NTM: variants seen among roughly 807,000 people sequenced by gnomAD.
NTM encodes the protein neurotrimin.
A neutral mutation model predicts 42.1 loss-of-function variants in NTM; 13 were observed. The ratio of observed to expected loss-of-function variants is 0.31; its 90% CI spans 0.20 to 0.49. The LOEUF (loss-of-function observed/expected upper bound fraction) is 0.49. Ranked by LOEUF, NTM falls within the 20% of genes least tolerant of loss-of-function variation. The probability of loss-of-function intolerance (pLI) is 0.99; values close to 1 mark genes in which losing one functional copy is unlikely to be tolerated. For synonymous variants in NTM, 187 were observed against 179.2 expected, an observed-to-expected ratio of 1.04 and a Z score of -0.35; for missense variants, 373 against 452.8, an observed-to-expected ratio of 0.82 and a Z score of 1.60.
intron 1 of NTM, among the ~76,000 whole-genome samples, chr11:131,375,068 C>T (rs547408532): frequency 2.0e-5 from 3 of 152,266 alleles, no homozygotes; most frequent in African/African-American, 4.8e-5. Flanking sequence ...CTTCACACAC[C>T]CAATATGCGT....
intron 1 of NTM, chr11:131,769,781 C>T (rs2085744108): frequency 6.5e-6 from 1 of 154,070 alleles, no homozygotes; most frequent in African/African-American, 2.4e-5. Context: ...TGAGGGAAGG[C>T]TTGAGGAGAA....
chr11:132,122,367 G>A (rs1187381666), intron 2 of NTM, among the ~76,000 whole-genome samples: 4 of 152,196 alleles, frequency 2.6e-5, no homozygotes, highest in African/African-American at 7.2e-5. Flanking sequence ...TTTCCAACTG[G>A]TTTTATTTCA....
At chr11:132,166,040 C>T (rs2075220671) in intron 3 of NTM, among the ~76,000 whole-genome samples, 1 of 152,024 alleles carries the variant, frequency 6.6e-6, no homozygotes, top group Non-Finnish European at 1.5e-5. Context: ...AAATTTTCAC[C>T]TAAAGCTCTT....
chr11:131,569,186 C>G (rs887985588), intron 1 of NTM, among the ~76,000 whole-genome samples: 1 of 151,270 alleles, frequency 6.6e-6, no homozygotes, highest in Admixed American at 6.6e-5. Flanking sequence ...CTCTCGTCAC[C>G]CAGGCTGGTG....
chr11:132,117,773 T>C (rs938073066), intron 2 of NTM, among the ~76,000 whole-genome samples: 14 of 152,364 alleles, frequency 9.2e-5, no homozygotes, highest in Non-Finnish European at 1.3e-4. Context: ...AAAAATACTT[T>C]ACTGCTCTGT....
At chr11:131,406,253 T>C (rs922420545) in intron 1 of NTM, among the ~76,000 whole-genome samples, 5 of 152,194 alleles carry the variant, frequency 3.3e-5, no homozygotes, top group Non-Finnish European at 4.4e-5. Flanking sequence ...GGAAGTGATA[T>C]ATGAATGTAA....
chr11:131,414,351 C>T (rs926480175), intron 1 of NTM, among the ~76,000 whole-genome samples: 1 of 152,186 alleles, frequency 6.6e-6, no homozygotes, highest in Non-Finnish European at 1.5e-5. Context: ...CTGCCTTTGC[C>T]TCTGGCCTGC....
chr11:131,660,875 A>G, intron 1 of NTM: 1 of 1,240,400 alleles, frequency 8.1e-7, no homozygotes. Context: ...CCTTGATTTC[A>G]AAGAACTTGT....
chr11:131,950,172 G>C (rs140096272), intron 2 of NTM, among the ~76,000 whole-genome samples: 80 of 152,266 alleles, frequency 5.3e-4, no homozygotes, highest in Middle Eastern at 3.4e-3. Context: ...TGCCTGGGTT[G>C]CCCTAGAGGC....
chr11:132,008,389 A>G (rs2071304608), intron 2 of NTM, among the ~76,000 whole-genome samples: 1 of 152,146 alleles, frequency 6.6e-6, no homozygotes. Flanking sequence ...TCAAGTGCCT[A>G]ATATAGCTGA....
intron 3 of NTM, among the ~76,000 whole-genome samples, chr11:132,164,160 G>A (rs2074885508): frequency 6.6e-6 from 1 of 152,210 alleles, no homozygotes; most frequent in Non-Finnish European, 1.5e-5. Flanking sequence ...AGTTTGGACT[G>A]AGACACCAAA....
intron 1 of NTM, among the ~76,000 whole-genome samples, chr11:131,645,471 C>A (rs75836773): frequency 6.6e-6 from 1 of 152,098 alleles, no homozygotes; most frequent in Non-Finnish European, 1.5e-5. Context: ...CACCTTCAGA[C>A]CTACATGCTA....
chr11:131,499,336 A>G (rs569831677), intron 1 of NTM, among the ~76,000 whole-genome samples: 1 of 152,292 alleles, frequency 6.6e-6, no homozygotes, highest in South Asian at 2.1e-4. Context: ...ATATAAGTGT[A>G]ATGATGACTC....
intron 2 of NTM, among the ~76,000 whole-genome samples, chr11:132,118,926 G>T (rs2064294754): frequency 6.6e-6 from 1 of 152,140 alleles, no homozygotes; most frequent in African/African-American, 2.4e-5. Context: ...TGTCCTCAAG[G>T]GGGTGAAGGG....
chr11:131,573,697 T>C (rs1223748437), intron 1 of NTM: 1 of 152,176 alleles, frequency 6.6e-6, no homozygotes, highest in African/African-American at 2.4e-5. Context: ...CCAGATGACA[T>C]TTTTCTGCTC....
chr11:132,100,119 C>G (rs111562509), intron 2 of NTM, among the ~76,000 whole-genome samples: 2 of 152,112 alleles, frequency 1.3e-5, no homozygotes, highest in African/African-American at 4.8e-5. Context: ...TATGAGAGAC[C>G]TTTTTACATT....
At chr11:131,948,568 G>A (rs188552529) in intron 2 of NTM, among the ~76,000 whole-genome samples, 8 of 152,242 alleles carry the variant, frequency 5.3e-5, no homozygotes, top group Admixed American at 5.2e-4. Flanking sequence ...AGGAGTGATT[G>A]CTTGTCCTAA....
In NTM at chr11:132,138,119, A is replaced by G. The variant is rs940984651; in HGVS notation, c.168-8163A>G. ...TCTTTCCAACCTTGGCAGCCGCCTC[A>G]ACACTTACCAAGATCCAAATTGCCC... is the stretch of plus-strand genomic sequence containing the variant. On this transcript the variant is annotated intron_variant, in intron 2 of 8. Transcript: ENST00000683400. 3.9e-5 allele frequency among the ~76,000 whole-genome samples: 6 copies of G among 152,242 alleles called. No individual in the cohort carries two copies. In the East Asian group the frequency reaches 1.2e-3, roughly 29 times the overall value.
intron 1 of NTM, among the ~76,000 whole-genome samples, chr11:131,606,341 C>T (rs1183580936): frequency 6.6e-6 from 1 of 152,172 alleles, no homozygotes; most frequent in Non-Finnish European, 1.5e-5. Context: ...CAGGTGTGAG[C>T]CACCACACCT....
Sources: allele counts gnomAD v4.1 joint callset (sites outside exome capture counted in the v4.1 genomes callset), GRCh38; gene constraint gnomAD v4.1.1; transcripts MANE v1.5; gene names NCBI Gene and HGNC (gene_info 2026-07-23, HGNC 2026-07-21).